The following TTC39C variants were observed in gnomAD, a reference collection of about 807,000 sequenced individuals.
TTC39C encodes tetratricopeptide repeat domain 39C.
A neutral mutation model predicts 76.3 loss-of-function variants in TTC39C; 33 were observed. That is an observed-to-expected ratio of 0.43 (90% CI 0.33 to 0.58). The LOEUF (loss-of-function observed/expected upper bound fraction) is 0.58. Ranked by LOEUF, TTC39C falls within the 20% of genes least tolerant of loss-of-function variation. TTC39C has a pLI of 0.04. For synonymous variants in TTC39C, 254 were observed against 260.6 expected, an observed-to-expected ratio of 0.97 and a Z score of 0.24; for missense variants, 595 against 701.4, an observed-to-expected ratio of 0.85 and a Z score of 1.71.
At chr18:24,108,363 C>A (rs1307785206) in intron 6 of TTC39C, among the ~76,000 whole-genome samples, 3 of 152,178 alleles carry the variant, frequency 2.0e-5, no homozygotes, top group African/African-American at 7.2e-5. Context: ...TGGAACTTGA[C>A]ATCCCTTTGG....
chr18:24,116,709 TA>T (rs1421982929), intron 7 of TTC39C, among the ~76,000 whole-genome samples: 1 of 152,136 alleles, frequency 6.6e-6, no homozygotes, highest in African/African-American at 2.4e-5. Flanking sequence ...GATAACAGAA[TA>T]TTTTTTATGG....
intron 1 of TTC39C, among the ~76,000 whole-genome samples, chr18:24,022,033 C>T (rs1312627675): frequency 1.3e-5 from 2 of 152,190 alleles, no homozygotes; most frequent in African/African-American, 4.8e-5. Context: ...TGTGAACTCA[C>T]TGGCTTAGGT....
At chr18:24,110,186 G>A (rs1364240391) in intron 6 of TTC39C, among the ~76,000 whole-genome samples, 3 of 152,102 alleles carry the variant, frequency 2.0e-5, no homozygotes, top group African/African-American at 7.2e-5. Flanking sequence ...AAACCATACA[G>A]TCCTGTCAAT....
intron 8 of TTC39C, among the ~76,000 whole-genome samples, chr18:24,118,584 A>G (rs1210261570): frequency 6.6e-6 from 1 of 151,954 alleles, no homozygotes; most frequent in Non-Finnish European, 1.5e-5. Context: ...CCCTTTACTT[A>G]ATATGCTATG....
chr18:24,090,658 G>A (rs984980298), intron 6 of TTC39C, among the ~76,000 whole-genome samples: 17 of 151,466 alleles, frequency 1.1e-4, no homozygotes, highest in African/African-American at 4.1e-4. Context: ...AGGAAAAAAT[G>A]GAAAGTGGAA....
intron 1 of TTC39C, among the ~76,000 whole-genome samples, chr18:24,000,759 A>G (rs986014717): frequency 6.6e-6 from 1 of 152,124 alleles, no homozygotes; most frequent in Non-Finnish European, 1.5e-5. Flanking sequence ...TGCTGTTGTC[A>G]TCTTAAAATT....
At chr18:24,081,251 G>A (rs2084372150) in intron 5 of TTC39C, among the ~76,000 whole-genome samples, 1 of 152,072 alleles carries the variant, frequency 6.6e-6, no homozygotes, top group Non-Finnish European at 1.5e-5. Flanking sequence ...TCTGATTTTT[G>A]GACTTAGGAG....
chr18:24,112,353 A>G (rs748928597), intron 6 of TTC39C, among the ~76,000 whole-genome samples: 4 of 152,240 alleles, frequency 2.6e-5, no homozygotes, highest in Non-Finnish European at 5.9e-5. Flanking sequence ...CACACTTTTT[A>G]GAGGCAGTTG....
chr18:23,996,046 A>G (rs1020401192), intron 1 of TTC39C, among the ~76,000 whole-genome samples: 1 of 152,228 alleles, frequency 6.6e-6, no homozygotes, highest in Non-Finnish European at 1.5e-5. Context: ...GGAGAGATCC[A>G]ATTTCTCCAC....
intron 6 of TTC39C, among the ~76,000 whole-genome samples, chr18:24,112,606 C>T (rs991489517): frequency 2.0e-5 from 3 of 152,084 alleles, no homozygotes; most frequent in Non-Finnish European, 2.9e-5. Flanking sequence ...TGGCACATAG[C>T]GGTTGCCCAG....
rs780866266 is a variant in TTC39C at position 24,118,252 on chromosome 18, T to G, written c.1186+20T>G. ...CTGCAGGTGAGTCGCCCATGGTCCC[T>G]CAGTGTGCCTCTCTCTGTCGTGAAT... is the stretch of plus-strand genomic sequence containing the variant. On this transcript the variant is annotated intron_variant, in intron 8 of 13. Coordinates refer to ENST00000317571, the MANE Select transcript of TTC39C (RefSeq NM_001135993.2). 6.3e-6 allele frequency: 10 copies of G among 1,584,062 alleles called. No homozygotes were observed. In the East Asian group the frequency reaches 2.2e-4, roughly 36 times the overall value.
intron 8 of TTC39C, among the ~76,000 whole-genome samples, chr18:24,119,097 C>T (rs1226548027): frequency 7.1e-6 from 1 of 141,752 alleles, no homozygotes; most frequent in Non-Finnish European, 1.5e-5. Flanking sequence ...CATTGCATAT[C>T]GTTATTAACA....
chr18:24,045,143 C>T (rs1347974040), intron 1 of TTC39C, among the ~76,000 whole-genome samples: 1 of 151,858 alleles, frequency 6.6e-6, no homozygotes, highest in African/African-American at 2.4e-5. Flanking sequence ...GTGGCACACG[C>T]CTGTAGTCTC....
At chr18:24,131,712 CAA>C (rs11307092) in intron 12 of TTC39C, among the ~76,000 whole-genome samples, 168 bp from the exon 13 acceptor site, 394 of 122,284 alleles carry the variant, frequency 3.2e-3, no homozygotes, top group Middle Eastern at 0.017. Flanking sequence ...AACTCCATCT[CAA>C]AAAAAAAAAA....
chr18:24,089,776 C>T (rs939117406), intron 6 of TTC39C, among the ~76,000 whole-genome samples: 1 of 152,138 alleles, frequency 6.6e-6, no homozygotes, highest in Non-Finnish European at 1.5e-5. Context: ...GGTGACCTTT[C>T]TAGCAATATT....
chr18:24,048,114 AT>A (rs1390361752), intron 1 of TTC39C, among the ~76,000 whole-genome samples: 3 of 152,214 alleles, frequency 2.0e-5, no homozygotes, highest in African/African-American at 7.2e-5. Flanking sequence ...AGAGCCTGTT[AT>A]ACGTAGGTTT....
chr18:24,080,646 G>C lies in TTC39C; in HGVS notation c.522G>C (p.Leu174=), dbSNP rs1160567512. 2.5e-6 allele frequency: 4 copies of C among 1,613,990 alleles called. No individual in the cohort carries two copies. The highest frequency in any genetic ancestry group is 3.4e-6 in the Non-Finnish European group (4 of 1,180,008). The change falls in exon 5 of 14, where the codon CTG becomes CTC. Residue 174 remains leucine (L), a synonymous_variant. Coordinates refer to ENST00000317571, the MANE Select transcript of TTC39C (RefSeq NM_001135993.2). The part of the protein sequence containing the change: ...KAWKIYNKCY[L]DINALQELYQ... Reference sequence around the variant, plus strand: ...GGAAGATTTACAATAAATGCTATCTGGACATCAATGCCCTTCAGGAGCTGT... The same window carrying C: ...GGAAGATTTACAATAAATGCTATCTCGACATCAATGCCCTTCAGGAGCTGT...
At chr18:24,101,317 A>AAAAC (rs1555776241) in intron 6 of TTC39C, among the ~76,000 whole-genome samples, 4 of 151,506 alleles carry the variant, frequency 2.6e-5, no homozygotes, top group African/African-American at 7.3e-5. Flanking sequence ...AAAAAAAAAA[A>AAAAC]AAAAAACTGG....
At chr18:24,085,506 A>G (rs1047901519) in intron 6 of TTC39C, among the ~76,000 whole-genome samples, 5 of 152,210 alleles carry the variant, frequency 3.3e-5, no homozygotes, top group African/African-American at 7.2e-5. Flanking sequence ...ACTAATTCCT[A>G]TAGAGGATTG....
Sources: gnomAD v4.1 joint callset for allele counts (sites outside exome capture counted in the v4.1 genomes callset) on GRCh38, gnomAD v4.1.1 for gene constraint, MANE v1.5 for transcripts, NCBI Gene and HGNC (gene_info 2026-07-23, HGNC 2026-07-21) for gene names.